Variants in FGF14 observed in about 807,000 individuals in gnomAD.
FGF14 encodes the protein fibroblast growth factor 14.
In FGF14, 5 loss-of-function variants were observed where a neutral mutation model predicts 25.5. The ratio of observed to expected loss-of-function variants is 0.20; its 90% CI spans 0.10 to 0.41. The LOEUF is 0.41. Ranked by LOEUF, FGF14 falls within the 10% of genes least tolerant of loss-of-function variation. FGF14 has a pLI of 1.00. For synonymous variants in FGF14, 138 were observed against 118.3 expected (o/e 1.17, Z -1.08); for missense variants, 222 against 320.1 (o/e 0.69, Z 2.34).
intron 1 of FGF14, among the ~76,000 whole-genome samples, chr13:102,184,928 T>C (rs1226495858): frequency 6.6e-6 from 1 of 152,196 alleles, no homozygotes; most frequent in Non-Finnish European, 1.5e-5. Context: ...ATCACTCAAG[T>C]ATTCAATATT....
intron 1 of FGF14, among the ~76,000 whole-genome samples, chr13:102,292,045 T>C (rs1458581259): frequency 1.3e-5 from 2 of 152,118 alleles, no homozygotes; most frequent in Admixed American, 1.3e-4. Flanking sequence ...GTCTGTGACC[T>C]GGACTCTCAC....
chr13:102,267,610 T>C (rs546397880), intron 1 of FGF14, among the ~76,000 whole-genome samples: 19 of 152,252 alleles, frequency 1.2e-4, no homozygotes, highest in African/African-American at 3.9e-4. Context: ...GAGAGAAAGA[T>C]ATCTTCAAGC....
chr13:102,182,347 G>C (rs1464778720), intron 1 of FGF14, among the ~76,000 whole-genome samples: 1 of 152,188 alleles, frequency 6.6e-6, no homozygotes, highest in South Asian at 2.1e-4. Flanking sequence ...TGGAGGGGCA[G>C]AGCCCTGCCG....
intron 1 of FGF14, among the ~76,000 whole-genome samples, chr13:102,119,297 C>G (rs947770574): frequency 6.6e-5 from 10 of 152,150 alleles, no homozygotes; most frequent in African/African-American, 2.4e-4. Context: ...AGGTACTCTA[C>G]AAGACAACTG....
At chr13:101,821,511 A>G (rs2042155413) in intron 3 of FGF14, among the ~76,000 whole-genome samples, 1 of 152,226 alleles carries the variant, frequency 6.6e-6, no homozygotes, top group Non-Finnish European at 1.5e-5. Flanking sequence ...GATTATTTGT[A>G]CATGAACTTT....
intron 1 of FGF14, among the ~76,000 whole-genome samples, chr13:102,235,255 T>C (rs778650162): frequency 9.9e-5 from 15 of 152,220 alleles, no homozygotes; most frequent in Non-Finnish European, 2.1e-4. Flanking sequence ...CCATTAATCA[T>C]GTAGGATAAT....
intron 1 of FGF14, among the ~76,000 whole-genome samples, chr13:102,100,969 G>A (rs1566685360): frequency 6.6e-6 from 1 of 152,198 alleles, no homozygotes; most frequent in South Asian, 2.1e-4. Context: ...CATGATGGTG[G>A]GTGCCTGTAA....
At chr13:102,383,222 TAAA>T (rs1157045352) in intron 1 of FGF14, among the ~76,000 whole-genome samples, 2 of 122,420 alleles carry the variant, frequency 1.6e-5, no homozygotes, top group African/African-American at 9.4e-5. Context: ...ATTTCTTACA[TAAA>T]AATATGTTAT....
intron 1 of FGF14, among the ~76,000 whole-genome samples, chr13:102,397,659 A>T (rs2058615893): frequency 6.6e-6 from 1 of 152,178 alleles, no homozygotes; most frequent in South Asian, 2.1e-4. Flanking sequence ...CTTGTTTTAC[A>T]TTATGTGCCT....
chr13:102,048,606 G>C (rs74362188), intron 1 of FGF14, among the ~76,000 whole-genome samples: 2,164 of 152,208 alleles, frequency 0.014, 46 homozygotes, highest in African/African-American at 0.047. Context: ...CATCCTATCT[G>C]GGCAATACTT....
intron 3 of FGF14, among the ~76,000 whole-genome samples, chr13:101,796,079 G>C (rs542742258): frequency 6.6e-6 from 1 of 152,188 alleles, no homozygotes; most frequent in African/African-American, 2.4e-5. Context: ...ATTAACAGCA[G>C]TTCCTAGAAA....
chr13:101,859,708 T>C (rs1197020372), intron 3 of FGF14, among the ~76,000 whole-genome samples: 1 of 152,062 alleles, frequency 6.6e-6, no homozygotes, highest in East Asian at 1.9e-4. Context: ...ATACGTGTTA[T>C]GATGGGCCCA....
At chr13:101,972,723 G>A (rs768580600) in intron 1 of FGF14, among the ~76,000 whole-genome samples, 9 of 152,012 alleles carry the variant, frequency 5.9e-5, no homozygotes, top group Non-Finnish European at 1.3e-4. Flanking sequence ...TGCCCAGGCA[G>A]GTCTCGAACT....
intron 1 of FGF14, among the ~76,000 whole-genome samples, chr13:101,906,410 T>A (rs1279731450): frequency 3.9e-5 from 6 of 152,132 alleles, no homozygotes; most frequent in African/African-American, 1.4e-4. Context: ...GCATGTTGTA[T>A]CCAAGGATAA....
chr13:102,039,430 G>A (rs894357746), intron 1 of FGF14, among the ~76,000 whole-genome samples: 4 of 152,052 alleles, frequency 2.6e-5, no homozygotes, highest in Admixed American at 2.0e-4. Context: ...AGTTCTGGGC[G>A]GTAGAAGCCA....
At chr13:102,303,792 T>C (rs1360808199) in intron 1 of FGF14, among the ~76,000 whole-genome samples, 2 of 152,208 alleles carry the variant, frequency 1.3e-5, no homozygotes, top group African/African-American at 4.8e-5. Context: ...GATAATGACC[T>C]TAGTGTACAT....
rs2047743427 is a variant in FGF14, at chr13:102,161,661, GAAGAAGAAGAAGAAGAA to G, written c.208+239793_208+239809del. 3.0e-4 allele frequency among the ~76,000 whole-genome samples: 8 copies of G among 26,318 alleles called. 1 individual carries two copies. Among genetic ancestry groups the G allele is most frequent in the South Asian group, 1.6e-3 (1 of 630 alleles). 17.3% of individuals were successfully genotyped at this position (26,318 alleles called of 152,430 possible). A position where few individuals can be genotyped will look rare whatever the true frequency, so the allele number is the denominator to read the frequency against. On this transcript the variant is annotated intron_variant, in intron 1 of 4. Transcript: ENST00000376131. ...AGAAGAAGAAGAAGAAGAAGAAGAA[GAAGAAGAAGAAGAAGAA>G]GAAGAAGAAGAAGAAGAAGAAGAAG...
At chr13:102,030,492 C>A (rs1450516531) in intron 1 of FGF14, among the ~76,000 whole-genome samples, 2 of 152,024 alleles carry the variant, frequency 1.3e-5, no homozygotes, top group Non-Finnish European at 2.9e-5. Flanking sequence ...GAGACAGTCA[C>A]CAGGCAATGA....
chr13:102,161,573 G>GT (rs1555369404), intron 1 of FGF14, among the ~76,000 whole-genome samples: 1 of 5,484 alleles, frequency 1.8e-4, no homozygotes, highest in African/African-American at 6.5e-4. Context: ...TGTGAAGAAA[G>GT]AAAGAAGAAG....
Sources: allele counts gnomAD v4.1 joint callset (sites outside exome capture counted in the v4.1 genomes callset), GRCh38; gene constraint gnomAD v4.1.1; transcripts MANE v1.5; gene names NCBI Gene and HGNC (gene_info 2026-07-23, HGNC 2026-07-21).